ROCK2: variants seen among roughly 807,000 people sequenced by gnomAD.
The protein encoded by ROCK2 is Rho associated coiled-coil containing protein kinase 2, also known as rho-associated protein kinase 2.
Under a neutral mutation model 195.1 loss-of-function variants are expected in ROCK2, and 61 were observed. The observed-to-expected ratio is 0.31, with a 90% confidence interval of 0.25 to 0.39. ROCK2 has a LOEUF of 0.39. Among genes scored for constraint, ROCK2 ranks in the 10% least tolerant of loss-of-function variants. ROCK2 has a pLI of 1.00. For synonymous variants in ROCK2, 504 were observed against 545.5 expected (o/e 0.92, Z 1.06); for missense variants, 1,109 against 1,637.4 (o/e 0.68, Z 5.57).
At chr2:11,292,223 C>T (rs994622345) in intron 1 of ROCK2, among the ~76,000 whole-genome samples, 3 of 152,118 alleles carry the variant, frequency 2.0e-5, no homozygotes, top group Admixed American at 6.6e-5. Flanking sequence ...CAAATTATGT[C>T]TTATTCTTTA....
At chr2:11,307,095 T>C (rs1056831194) in intron 1 of ROCK2, among the ~76,000 whole-genome samples, 3 of 152,194 alleles carry the variant, frequency 2.0e-5, no homozygotes, top group African/African-American at 4.8e-5. Flanking sequence ...CTAACAACAA[T>C]GGTTTCAATT....
chr2:11,319,109 A>C (rs1347872951), intron 1 of ROCK2, among the ~76,000 whole-genome samples: 3 of 152,026 alleles, frequency 2.0e-5, no homozygotes, highest in African/African-American at 7.2e-5. Flanking sequence ...TTCCATATGA[A>C]CTTTAAAGTA....
chr2:11,262,100 T>C (rs892620925), intron 3 of ROCK2, among the ~76,000 whole-genome samples: 2 of 152,194 alleles, frequency 1.3e-5, no homozygotes, highest in African/African-American at 4.8e-5. Context: ...GAATTTCCCG[T>C]CACTAGTCTA....
chr2:11,313,418 G>C (rs1307898780), intron 1 of ROCK2, among the ~76,000 whole-genome samples: 1 of 151,950 alleles, frequency 6.6e-6, no homozygotes, highest in African/African-American at 2.4e-5. Context: ...GGTTTTATAA[G>C]AATAAAATTA....
chr2:11,307,042 C>G (rs775557025), intron 1 of ROCK2, among the ~76,000 whole-genome samples: 11 of 152,302 alleles, frequency 7.2e-5, no homozygotes, highest in Middle Eastern at 3.4e-3. Flanking sequence ...CTCGATATTT[C>G]ATTACCACGT....
chr2:11,294,854 C>T (rs1667463534), intron 1 of ROCK2, among the ~76,000 whole-genome samples: 1 of 151,948 alleles, frequency 6.6e-6, no homozygotes, highest in Admixed American at 6.6e-5. Flanking sequence ...GTCAGCTCAC[C>T]GCAACCTCCA....
chr2:11,201,140 G>T lies in ROCK2; in HGVS notation c.2727C>A (p.Asp909Glu). ...QKKQELQDER[D>E]SLAAQLEITL... Reference sequence around the variant, plus strand: ...TGATCTCCAGTTGGGCAGCCAAAGAGTCCCTACATTTTAGCAATATATCAT... The same window carrying T: ...TGATCTCCAGTTGGGCAGCCAAAGATTCCCTACATTTTAGCAATATATCAT... The change falls in exon 23 of 33, where the codon GAC (aspartate) becomes GAA (glutamate). Residue 909 changes from aspartate to glutamate, a missense_variant. Asp to Glu is a conservative substitution (Grantham distance 45). This residue lies in a region of ROCK2 where 542 missense variants were observed against 672.0 expected (regional missense o/e 0.81). Coordinates refer to ENST00000315872, the MANE Select transcript of ROCK2 (RefSeq NM_004850.5). This position sits in a 1 kb window ranked among gnomAD's most constrained non-coding sequence, Gnocchi z 4.6. The T allele has an allele frequency of 6.2e-7, 1 of 1,601,284 alleles. No homozygotes were observed.
intron 1 of ROCK2, among the ~76,000 whole-genome samples, chr2:11,307,688 T>C (rs564063585): frequency 6.6e-6 from 1 of 152,272 alleles, no homozygotes; most frequent in South Asian, 2.1e-4. Context: ...AAATGAAACA[T>C]ACCAAAAAGA....
At position 11,201,230 on chromosome 2, in the gene ROCK2, T is replaced by A; in HGVS notation, c.2723+80A>T. 1 of 1,521,766 alleles carries A rather than the reference T, an allele frequency of 6.6e-7. No individual in the cohort carries two copies. Among genetic ancestry groups the A allele is most frequent in the Non-Finnish European group, 9.0e-7 (1 of 1,114,992 alleles). The allele number at this position is 1,521,766 out of a possible 1,614,324, so 94.3% of individuals were successfully genotyped here. On this transcript the variant is annotated intron_variant, in intron 22 of 32. Coordinates refer to ENST00000315872, the MANE Select transcript of ROCK2 (RefSeq NM_004850.5). The surrounding 1 kb of genome is among the most constrained non-coding windows in gnomAD (Gnocchi z 4.6). The stretch of plus-strand genomic sequence containing the variant: ...TCTAATTCACTTCATCAATAATTTT[T>A]TATTTGGTGATTACCAGGCATTGTT...
At chr2:11,269,861 C>A (rs977946637) in intron 3 of ROCK2, among the ~76,000 whole-genome samples, 3 of 152,158 alleles carry the variant, frequency 2.0e-5, no homozygotes, top group Admixed American at 6.5e-5. Flanking sequence ...AGCAATCCTG[C>A]CACTTCAGCC....
At chr2:11,213,335 C>CTT (rs1664311018) in intron 17 of ROCK2, among the ~76,000 whole-genome samples, 1 of 152,262 alleles carries the variant, frequency 6.6e-6, no homozygotes, top group Middle Eastern at 3.4e-3. Flanking sequence ...TTCAAAATTT[C>CTT]TTAATAGAGT....
intron 1 of ROCK2, among the ~76,000 whole-genome samples, chr2:11,331,132 T>C (rs1668755001): frequency 6.6e-6 from 1 of 152,070 alleles, no homozygotes. Flanking sequence ...CATGTAGTTA[T>C]CTTTAATAAA....
Position 11,221,197 on chromosome 2 carries a change from C to A in ROCK2, c.1259+1G>T. 6.5e-7 allele frequency: 1 copy of A among 1,541,314 alleles called. No homozygotes were observed. Among genetic ancestry groups the A allele is most frequent in the South Asian group, 1.3e-5 (1 of 75,120 alleles). On this transcript the variant is annotated splice_donor_variant, in intron 9 of 32. Transcript: ENST00000315872. LOFTEE classifies it high-confidence loss of function. Reference sequence around the variant, plus strand: ...AATTTAACAAATAATAAACCACATACAAATTTTCTCTATAGTAGGTAAATC... The same window carrying A: ...AATTTAACAAATAATAAACCACATAAAAATTTTCTCTATAGTAGGTAAATC...
chr2:11,181,104 T>A lies in ROCK2; in HGVS notation c.*2333A>T, dbSNP rs1021655081. On this transcript the variant is annotated 3_prime_UTR_variant, in exon 33 of 33. Coordinates refer to ENST00000315872, the MANE Select transcript of ROCK2 (RefSeq NM_004850.5). The stretch of plus-strand genomic sequence containing the variant: ...ATATACAGCATTCCAAATTTAAACT[T>A]TTGCCTTTTTTACTCAAATATTTCA... The A allele has an allele frequency of 6.6e-6, 1 of 150,602 alleles. No homozygotes were observed. The highest frequency in any genetic ancestry group is 1.5e-5 in the Non-Finnish European group (1 of 67,714). The allele number at this position is 150,602 out of a possible 1,614,324, so 9.3% of individuals were successfully genotyped here.
rs899911613 is a variant in ROCK2 at position 11,201,651 on chromosome 2, A to G, written c.2620-238T>C. Among the ~76,000 whole-genome samples the G allele has an allele frequency of 6.6e-6, 1 of 152,228 alleles. No homozygotes were observed. Among genetic ancestry groups the G allele is most frequent in the Non-Finnish European group, 1.5e-5 (1 of 68,030 alleles). On this transcript the variant is annotated intron_variant, in intron 21 of 32. Coordinates refer to ENST00000315872, the MANE Select transcript of ROCK2 (RefSeq NM_004850.5). The surrounding 1 kb of genome is among the most constrained non-coding windows in gnomAD (Gnocchi z 4.6). ...ACTGGATATCACAGTGATATTTCTC[A>G]TTTAATAGCACAGATAGGTAAAATG...
At chr2:11,215,113 C>CAACA (rs749788035) in intron 15 of ROCK2, 27 bp from the exon 16 acceptor site, 2 of 1,611,812 alleles carry the variant, frequency 1.2e-6, no homozygotes, top group Non-Finnish European at 1.7e-6. Flanking sequence ...AACCAAACAA[C>CAACA]AACAAACAAA....
chr2:11,295,324 T>G (rs1166886447), intron 1 of ROCK2, among the ~76,000 whole-genome samples: 1 of 152,094 alleles, frequency 6.6e-6, no homozygotes, highest in Non-Finnish European at 1.5e-5. Context: ...CCAGATAAAA[T>G]TAGAGTTGTT....
At chr2:11,255,174 G>A (rs1240707238) in intron 3 of ROCK2, among the ~76,000 whole-genome samples, 8 of 143,080 alleles carry the variant, frequency 5.6e-5, no homozygotes, top group South Asian at 2.2e-4. Context: ...CGGAGATTGC[G>A]CCACTGCACT....
chr2:11,215,062 G>C lies in ROCK2; in HGVS notation c.1714C>G (p.Arg572Gly). 6.2e-7 allele frequency: 1 copy of C among 1,613,956 alleles called. No individual in the cohort carries two copies. Among genetic ancestry groups the C allele is most frequent in the Non-Finnish European group, 8.5e-7 (1 of 1,179,950 alleles). The stretch of plus-strand genomic sequence containing the variant: ...CGGGCTGCAGTATCAGACTCTGTTC[G>C]CAGTAAAGCATTGGTTTCATCCAGC... Reference protein sequence around the residue: ...RQLDETNALLRTESDTAARLR... With the variant: ...RQLDETNALLGTESDTAARLR... Residue 572 changes from arginine (R) to glycine (G), a missense_variant, in exon 16 of 33, where the codon CGA becomes GGA. This residue lies in a region of ROCK2 where 542 missense variants were observed against 672.0 expected (regional missense o/e 0.81). Transcript: ENST00000315872.
Sources: gnomAD v4.1 joint callset for allele counts (sites outside exome capture counted in the v4.1 genomes callset) on GRCh38, gnomAD v4.1.1 for gene constraint, gnomAD v4.1.1 regional missense constraint, Gnocchi (gnomAD v3.1) non-coding constraint, MANE v1.5 for transcripts, NCBI Gene and HGNC (gene_info 2026-07-23, HGNC 2026-07-21) for gene names.